PCNX2: variants seen among roughly 807,000 people sequenced by gnomAD.
The protein encoded by PCNX2 is pecanex-like protein 2.
A neutral mutation model predicts 223.8 loss-of-function variants in PCNX2; 168 were observed. The observed-to-expected ratio is 0.75, with a 90% confidence interval of 0.66 to 0.85. The LOEUF (loss-of-function observed/expected upper bound fraction) is 0.85. Ranked by LOEUF, PCNX2 falls within the 40% of genes least tolerant of loss-of-function variation. PCNX2 has a pLI of 0.00. For missense variants in PCNX2, 2,507 were observed against 2,675.5 expected (o/e 0.94, Z 1.39); for synonymous variants, 1,006 against 1,052.6 (o/e 0.96, Z 0.86).
intron 21 of PCNX2, among the ~76,000 whole-genome samples, chr1:233,117,739 G>A (rs986782383): frequency 5.3e-5 from 8 of 151,392 alleles, no homozygotes; most frequent in Non-Finnish European, 8.8e-5. Flanking sequence ...GGCCAGGCGC[G>A]GTGGCTCACG....
At chr1:233,052,379 G>A (rs1672038987) in intron 25 of PCNX2, among the ~76,000 whole-genome samples, 1 of 152,108 alleles carries the variant, frequency 6.6e-6, no homozygotes, top group East Asian at 1.9e-4. Context: ...GTATGAATTG[G>A]CTCCTGCTCA....
intron 23 of PCNX2, among the ~76,000 whole-genome samples, chr1:233,087,423 C>A (rs61826475): frequency 0.018 from 2,686 of 152,104 alleles, 34 homozygotes; most frequent in Non-Finnish European, 0.027. Flanking sequence ...ACAACTAGTA[C>A]AAAATTAAAC....
At chr1:233,100,712 A>G (rs1050923621) in intron 21 of PCNX2, among the ~76,000 whole-genome samples, 4 of 152,210 alleles carry the variant, frequency 2.6e-5, no homozygotes, top group African/African-American at 9.7e-5. Flanking sequence ...CTTTCCCTCA[A>G]TGAAATAACT....
intron 26 of PCNX2, among the ~76,000 whole-genome samples, chr1:233,022,916 T>C (rs1323511107): frequency 6.6e-6 from 1 of 152,000 alleles, no homozygotes; most frequent in Non-Finnish European, 1.5e-5. Flanking sequence ...AGGCTGGTCT[T>C]GAACTCCCGA....
intron 5 of PCNX2, 145 bp downstream of exon 5, chr1:233,257,883 G>A (rs1385071311): frequency 1.4e-5 from 15 of 1,109,154 alleles, no homozygotes; most frequent in Non-Finnish European, 3.7e-6. Flanking sequence ...GGTACATTCA[G>A]CAAATATTGA....
At chr1:233,240,064 T>C (rs1215473428) in intron 8 of PCNX2, among the ~76,000 whole-genome samples, 1 of 152,242 alleles carries the variant, frequency 6.6e-6, no homozygotes, top group East Asian at 1.9e-4. Context: ...TATTGTCATG[T>C]GTATATGGGC....
At chr1:233,088,788 G>A (rs967074755) in intron 23 of PCNX2, among the ~76,000 whole-genome samples, 7 of 152,160 alleles carry the variant, frequency 4.6e-5, no homozygotes, top group Non-Finnish European at 8.8e-5. Context: ...CATGGGTCAA[G>A]CTGGGACAGG....
intron 1 of PCNX2, among the ~76,000 whole-genome samples, chr1:233,284,276 T>C (rs962725639): frequency 2.0e-5 from 3 of 152,176 alleles, no homozygotes; most frequent in Non-Finnish European, 4.4e-5. Flanking sequence ...AAGAGACACC[T>C]GTTGAAGTTT....
chr1:233,248,780 A>C (rs369678621), intron 8 of PCNX2, among the ~76,000 whole-genome samples: 1 of 152,262 alleles, frequency 6.6e-6, no homozygotes, highest in East Asian at 1.9e-4. Flanking sequence ...CTCTCCACCA[A>C]GCCACACGCC....
At chr1:233,166,193 A>T (rs141832694) in intron 17 of PCNX2, among the ~76,000 whole-genome samples, 1,870 of 150,098 alleles carry the variant, frequency 0.012, 28 homozygotes, top group African/African-American at 0.044. Context: ...ATAAATAAAT[A>T]AATAAATAAA....
At position 233,139,949 on chromosome 1, in the gene PCNX2, T is replaced by C; in HGVS notation, c.3518-94A>G. The C allele has an allele frequency of 7.0e-7, 1 of 1,432,128 alleles. No individual in the cohort carries two copies. 88.7% of individuals were successfully genotyped at this position (1,432,128 alleles called of 1,614,324 possible). On this transcript the variant is annotated intron_variant, in intron 19 of 33. Transcript: ENST00000258229. The surrounding 1 kb of genome is among the most constrained non-coding windows in gnomAD (Gnocchi z 4.4). Reference sequence around the variant, plus strand: ...AATAAGTAATATTCCCCCCCTTTAATTCAAAAGCTGCTAATTAAGAACTCG... The same window carrying C: ...AATAAGTAATATTCCCCCCCTTTAACTCAAAAGCTGCTAATTAAGAACTCG...
chr1:233,279,738 A>G (rs1661094267), intron 1 of PCNX2, among the ~76,000 whole-genome samples: 1 of 152,198 alleles, frequency 6.6e-6, no homozygotes, highest in Non-Finnish European at 1.5e-5. Context: ...TAATTTCAAA[A>G]TATGTATCAA....
chr1:233,014,627 C>T (rs747270171), intron 28 of PCNX2, 38 bp downstream of exon 28: 10 of 1,521,398 alleles, frequency 6.6e-6, no homozygotes, highest in African/African-American at 1.4e-5. Context: ...AAAGTGGGTG[C>T]CTGTACCTAA....
At chr1:233,279,078 A>T (rs747345052) in intron 1 of PCNX2, among the ~76,000 whole-genome samples, 1 of 152,238 alleles carries the variant, frequency 6.6e-6, no homozygotes, top group African/African-American at 2.4e-5. Context: ...TTTTAAAAGA[A>T]AATGGAATTC....
intron 21 of PCNX2, among the ~76,000 whole-genome samples, chr1:233,130,454 C>T (rs1676409905): frequency 1.4e-5 from 2 of 142,600 alleles, no homozygotes. Flanking sequence ...AATATTTCTG[C>T]CCCCCAACTT....
the PCNX2 span, among the ~76,000 whole-genome samples, chr1:233,308,693 G>C: frequency 2.6e-5 from 4 of 151,964 alleles, no homozygotes; most frequent in African/African-American, 9.7e-5. Context: ...GAAATCAATA[G>C]AGAACATCTA....
At chr1:233,242,374 C>T (rs1038914752) in intron 8 of PCNX2, among the ~76,000 whole-genome samples, 4 of 152,152 alleles carry the variant, frequency 2.6e-5, no homozygotes, top group African/African-American at 4.8e-5. Context: ...AAATTTGCTA[C>T]AGAATGACTC....
chr1:233,293,471 A>T (rs1175972790), intron 1 of PCNX2, among the ~76,000 whole-genome samples: 3 of 152,374 alleles, frequency 2.0e-5, no homozygotes, highest in East Asian at 3.9e-4. Flanking sequence ...CTAGACATAG[A>T]AGTGAAATAC....
At position 233,069,973 on chromosome 1, in the gene PCNX2, T is replaced by C. The variant is rs183687489; in HGVS notation, c.4077-12683A>G. On this transcript the variant is annotated intron_variant, in intron 23 of 33. Transcript: ENST00000258229. Reference sequence around the variant, plus strand: ...TATCAATCAATAACATCGAAAAATCTCTAACCAGACTGACAAAGAAAAGGG... The same window carrying C: ...TATCAATCAATAACATCGAAAAATCCCTAACCAGACTGACAAAGAAAAGGG... Among the ~76,000 whole-genome samples, 229 of 152,064 alleles carry C rather than the reference T, an allele frequency of 1.5e-3. 1 individual carries two copies. Among genetic ancestry groups the C allele is most frequent in the African/African-American group, 5.1e-3 (213 of 41,496 alleles).
Sources: allele counts gnomAD v4.1 joint callset (sites outside exome capture counted in the v4.1 genomes callset), GRCh38; gene constraint gnomAD v4.1.1; non-coding constraint Gnocchi (gnomAD v3.1); transcripts MANE v1.5; gene names NCBI Gene and HGNC (gene_info 2026-07-23, HGNC 2026-07-21).